The following KAZN variants were observed in gnomAD, a reference collection of about 807,000 sequenced individuals.
The protein encoded by KAZN is kazrin, periplakin interacting protein, also known as kazrin.
In KAZN, 40 loss-of-function variants were observed where a neutral mutation model predicts 87.4. That is an observed-to-expected ratio of 0.46 (90% confidence interval 0.36 to 0.60). KAZN has a LOEUF of 0.60. Ranked by LOEUF, KAZN falls within the 20% of genes least tolerant of loss-of-function variation. KAZN has a pLI of 0.00. For missense variants in KAZN, 898 were observed against 1,073.9 expected (o/e 0.84, Z 2.29); for synonymous variants, 466 against 458.3 (o/e 1.02, Z -0.22).
intron 1 of KAZN, among the ~76,000 whole-genome samples, chr1:14,825,892 C>T (rs1054887122): frequency 6.6e-6 from 1 of 152,212 alleles, no homozygotes; most frequent in Non-Finnish European, 1.5e-5. Flanking sequence ...CTGGTCCACA[C>T]GCTCCAGGAG....
At chr1:13,964,400 C>A (rs1368283351) in intron 1 of KAZN, among the ~76,000 whole-genome samples, 1 of 152,222 alleles carries the variant, frequency 6.6e-6, no homozygotes, top group South Asian at 2.1e-4. Flanking sequence ...AGTCACACAA[C>A]CTGATGGCTT....
At chr1:15,065,859 C>T (rs1231347948) in intron 8 of KAZN, 106 bp downstream of exon 8, 98 of 1,553,004 alleles carry the variant, frequency 6.3e-5, no homozygotes, top group Non-Finnish European at 7.9e-5. Context: ...TGTGTGCAAG[C>T]GAGCGTGGGT....
chr1:13,901,431 C>T (rs1557709219), intron 1 of KAZN, among the ~76,000 whole-genome samples: 1 of 152,132 alleles, frequency 6.6e-6, no homozygotes. Flanking sequence ...AAACAAGGGG[C>T]CGGACAGGTC....
intron 1 of KAZN, among the ~76,000 whole-genome samples, chr1:14,686,436 A>G (rs1017580416): frequency 2.6e-4 from 40 of 152,356 alleles, no homozygotes; most frequent in African/African-American, 9.1e-4. Context: ...GAGGGATTCA[A>G]GGCAGATATA....
At chr1:14,331,389 A>T (rs1656849528) in intron 2 of KAZN, among the ~76,000 whole-genome samples, 1 of 152,216 alleles carries the variant, frequency 6.6e-6, no homozygotes, top group African/African-American at 2.4e-5. Flanking sequence ...TCATATGAGC[A>T]GGATAGTCTC....
chr1:14,688,247 T>C (rs1641072846), intron 1 of KAZN, among the ~76,000 whole-genome samples: 1 of 152,168 alleles, frequency 6.6e-6, no homozygotes, highest in Non-Finnish European at 1.5e-5. Flanking sequence ...GATCCTGAGA[T>C]TGGGTTTGGT....
intron 1 of KAZN, among the ~76,000 whole-genome samples, chr1:14,805,964 G>A (rs1410445526): frequency 6.6e-6 from 1 of 152,118 alleles, no homozygotes; most frequent in Non-Finnish European, 1.5e-5. Context: ...TAGCCTTAAT[G>A]TGCAGTAAGG....
intron 10 of KAZN, among the ~76,000 whole-genome samples, chr1:15,095,597 C>G (rs1640772818): frequency 6.6e-6 from 1 of 151,760 alleles, no homozygotes; most frequent in African/African-American, 2.4e-5. Flanking sequence ...GGGAAGGAAC[C>G]CCCACCCCCA....
rs34161239 is a variant in KAZN, at chr1:14,536,882, CA to C, written c.250-62089del. Reference sequence around the variant, plus strand: ...GGGTGACACAAGCGAAACTCCGTCTCAAAAAAAAAAAAGTTGAAGTCGGCCA... The same window carrying C: ...GGGTGACACAAGCGAAACTCCGTCTCAAAAAAAAAAAGTTGAAGTCGGCCA... On this transcript the variant is annotated intron_variant, in intron 2 of 16. Coordinates refer to the KAZN transcript ENST00000636203. 2.2e-3 allele frequency among the ~76,000 whole-genome samples: 315 copies of C among 143,962 alleles called. 2 individuals carry two copies. The highest frequency in any genetic ancestry group is 7.2e-3 in the Middle Eastern group (2 of 278). The allele number at this position is 143,962 out of a possible 152,430, so 94.4% of individuals were successfully genotyped here.
At chr1:15,078,395 A>G (rs1639853238) in intron 8 of KAZN, among the ~76,000 whole-genome samples, 2 of 152,058 alleles carry the variant, frequency 1.3e-5, no homozygotes, top group Non-Finnish European at 1.5e-5. Flanking sequence ...ACACAGCGAG[A>G]CTCCATCTCA....
At chr1:14,085,589 C>A (rs185783067) in intron 1 of KAZN, among the ~76,000 whole-genome samples, 114 of 152,290 alleles carry the variant, frequency 7.5e-4, no homozygotes, top group African/African-American at 2.7e-3. Flanking sequence ...CATGTTGTTG[C>A]CTGTATCAGG....
At chr1:14,724,501 A>AT in intron 1 of KAZN, among the ~76,000 whole-genome samples, 1 of 152,338 alleles carries the variant, frequency 6.6e-6, no homozygotes, top group East Asian at 1.9e-4. Flanking sequence ...CATAGCTTAC[A>AT]TGCCTCTGGG....
chr1:15,038,232 C>T (rs1672532338), intron 3 of KAZN, among the ~76,000 whole-genome samples: 1 of 150,970 alleles, frequency 6.6e-6, no homozygotes, highest in Admixed American at 6.6e-5. Context: ...CCAGCCTGGG[C>T]AACAGAATGA....
At chr1:14,918,710 ATATATATATATATATATATATATATAT>A (rs1448224579) in intron 1 of KAZN, among the ~76,000 whole-genome samples, 5 of 3,812 alleles carry the variant, frequency 1.3e-3, no homozygotes, top group Non-Finnish European at 2.4e-3. Context: ...AAAAAAAAAT[ATATATATATATATATATATATATATAT>A]ATATATATAT....
intron 1 of KAZN, among the ~76,000 whole-genome samples, chr1:14,627,552 T>G (rs907396303): frequency 6.6e-6 from 1 of 152,200 alleles, no homozygotes; most frequent in African/African-American, 2.4e-5. Context: ...GCTTTCTTCC[T>G]GCTGCGCTGT....
Position 14,483,325 on chromosome 1 carries a change from G to A in KAZN, c.250-115658G>A, listed in dbSNP as rs1428417676. 5.9e-5 allele frequency among the ~76,000 whole-genome samples: 9 copies of A among 152,264 alleles called. No individual in the cohort carries two copies. In the South Asian group the frequency reaches 1.0e-3, roughly 18 times the overall value. ...ACCCTGGAATAACTCTCACTTGTGC[G>A]TCAGAGGGGAGCAAAAACATCAGCA... On this transcript the variant is annotated intron_variant, in intron 2 of 16. Transcript: ENST00000636203.
chr1:14,756,343 C>T (rs193229154), intron 1 of KAZN, among the ~76,000 whole-genome samples: 150 of 152,302 alleles, frequency 9.8e-4, no homozygotes, highest in African/African-American at 3.2e-3. Context: ...AAGCACGCCC[C>T]GGCAAGAGGT....
chr1:14,026,779 G>A (rs904693626), intron 1 of KAZN, among the ~76,000 whole-genome samples: 23 of 152,308 alleles, frequency 1.5e-4, no homozygotes, highest in Admixed American at 1.2e-3. Context: ...GCACAGCCCT[G>A]CTCTCAGGAA....
chr1:14,699,783 G>A (rs1641820140), intron 1 of KAZN, among the ~76,000 whole-genome samples: 1 of 152,182 alleles, frequency 6.6e-6, no homozygotes, highest in Non-Finnish European at 1.5e-5. Flanking sequence ...CTGATTTGCG[G>A]AGTTTGCCAG....
Sources: gnomAD v4.1 joint callset for allele counts (sites outside exome capture counted in the v4.1 genomes callset) on GRCh38, gnomAD v4.1.1 for gene constraint, MANE v1.5 for transcripts, NCBI Gene and HGNC (gene_info 2026-07-23, HGNC 2026-07-21) for gene names.